RBFOX1: variants seen among roughly 807,000 people sequenced by gnomAD.
The protein encoded by RBFOX1 is RNA binding fox-1 homolog 1, also known as RNA binding protein fox-1 homolog 1.
A neutral mutation model predicts 57.7 loss-of-function variants in RBFOX1; 8 were observed. The observed-to-expected ratio is 0.14, with a 90% confidence interval of 0.08 to 0.25. The LOEUF is 0.25. Ranked by LOEUF, RBFOX1 falls within the 10% of genes least tolerant of loss-of-function variation. RBFOX1 has a pLI of 1.00. For synonymous variants in RBFOX1, 326 were observed against 222.4 expected (o/e 1.47, Z -4.15); for missense variants, 611 against 548.5 (o/e 1.11, Z -1.14).
chr16:5,383,271 C>A (rs1018572243), intron 1 of RBFOX1, among the ~76,000 whole-genome samples: 4 of 152,068 alleles, frequency 2.6e-5, no homozygotes, highest in African/African-American at 9.7e-5. Context: ...TAAGTGGCGC[C>A]CACTGGTGTG....
chr16:6,885,312 C>G (rs567740523), intron 3 of RBFOX1, among the ~76,000 whole-genome samples: 38 of 152,300 alleles, frequency 2.5e-4, no homozygotes, highest in African/African-American at 9.1e-4. Context: ...TGCAGGCAAA[C>G]TGAGTCAGAA....
At position 5,467,190 on chromosome 16, in the gene RBFOX1, C is replaced by G. The variant is rs1028095540; in HGVS notation, c.220-26C>G. On this transcript the variant is annotated intron_variant, in intron 1 of 2. Coordinates refer to the RBFOX1 transcript ENST00000585867. ...CAATGTTTCTTCTCTCTCTCTCTCT[C>G]TCTCTCTTTTTTTTTTTTAATGCAG... The G allele has an allele frequency of 6.1e-6, 9 of 1,464,746 alleles. No homozygotes were observed. In the African/African-American group the frequency reaches 1.3e-4, roughly 21 times the overall value. The allele number at this position is 1,464,746 out of a possible 1,614,324, so 90.7% of individuals were successfully genotyped here. A position where few individuals can be genotyped will look rare whatever the true frequency, so the allele number is the denominator to read the frequency against.
At chr16:5,779,705 A>G (rs559898511) in intron 3 of RBFOX1, among the ~76,000 whole-genome samples, 1 of 152,272 alleles carries the variant, frequency 6.6e-6, no homozygotes, top group South Asian at 2.1e-4. Context: ...CCCCCAACCC[A>G]AGTGGAATGA....
At chr16:6,209,847 TGGTATGAA>T (rs2097281335) in intron 1 of RBFOX1, among the ~76,000 whole-genome samples, 1 of 152,168 alleles carries the variant, frequency 6.6e-6, no homozygotes, top group South Asian at 2.1e-4. Context: ...GATAGAAACA[TGGTATGAA>T]GGTCTATGCT....
At chr16:7,379,792 G>GCCTC (rs2097756421) in intron 4 of RBFOX1, among the ~76,000 whole-genome samples, 1 of 149,378 alleles carries the variant, frequency 6.7e-6, no homozygotes, top group Non-Finnish European at 1.5e-5. Context: ...CTGCCTGCCT[G>GCCTC]CCTCCCTGCC....
chr16:5,350,641 G>A (rs767898745), intron 1 of RBFOX1, among the ~76,000 whole-genome samples: 5 of 152,146 alleles, frequency 3.3e-5, no homozygotes, highest in African/African-American at 4.8e-5. Context: ...CAAAGCGGGC[G>A]GATCACCTGA....
intron 3 of RBFOX1, among the ~76,000 whole-genome samples, chr16:5,837,894 C>G (rs2056510139): frequency 1.3e-5 from 2 of 152,012 alleles, no homozygotes; most frequent in African/African-American, 4.8e-5. Flanking sequence ...GGGCAGAGGA[C>G]CCCGTGGGAG....
intron 4 of RBFOX1, among the ~76,000 whole-genome samples, chr16:7,205,257 C>G (rs1008463546): frequency 6.6e-6 from 1 of 152,052 alleles, no homozygotes; most frequent in East Asian, 1.9e-4. Flanking sequence ...GCGGCTCACA[C>G]CTGTAATCCC....
At position 7,575,377 on chromosome 16, in the gene RBFOX1, C is replaced by G. The variant is rs185004269; in HGVS notation, c.271-4400C>G. 1.1e-3 allele frequency among the ~76,000 whole-genome samples: 175 copies of G among 152,254 alleles called. 1 individual carries two copies. The Middle Eastern group carries it at 0.031, about 27-fold the overall frequency. On this transcript the variant is annotated intron_variant, in intron 5 of 15. Transcript: ENST00000550418. ...CTTGAACTCCTTACCTCATGATCTGCCCCGCTCAGCCTCCCAAAGTGCTGG... is the reference window on the plus strand; with the variant it reads ...CTTGAACTCCTTACCTCATGATCTGGCCCGCTCAGCCTCCCAAAGTGCTGG...
intron 1 of RBFOX1, among the ~76,000 whole-genome samples, chr16:6,182,837 A>G (rs2097074978): frequency 6.6e-6 from 1 of 152,190 alleles, no homozygotes; most frequent in South Asian, 2.1e-4. Context: ...TTTAATGAAA[A>G]TATTTAGCTT....
At chr16:6,807,729 T>G (rs1250900983) in intron 3 of RBFOX1, among the ~76,000 whole-genome samples, 1 of 152,048 alleles carries the variant, frequency 6.6e-6, no homozygotes, top group Non-Finnish European at 1.5e-5. Context: ...GGCAGAAGAA[T>G]CACTTGAATC....
chr16:5,802,389 T>C (rs199690726), intron 3 of RBFOX1, among the ~76,000 whole-genome samples: 1 of 152,154 alleles, frequency 6.6e-6, no homozygotes, highest in East Asian at 1.9e-4. Context: ...ATGGCTGGAC[T>C]GTAAAACATG....
At chr16:5,269,145 G>T (rs963905126) in intron 1 of RBFOX1, among the ~76,000 whole-genome samples, 2 of 137,428 alleles carry the variant, frequency 1.5e-5, no homozygotes, top group African/African-American at 5.4e-5. Context: ...TCAAACTCCT[G>T]GCCTCAGGTG....
At chr16:7,473,509 G>T (rs1483782921) in intron 4 of RBFOX1, among the ~76,000 whole-genome samples, 1 of 147,922 alleles carries the variant, frequency 6.8e-6, no homozygotes. Context: ...ATGTACATAT[G>T]TATTATATAT....
intron 2 of RBFOX1, among the ~76,000 whole-genome samples, chr16:6,497,526 C>A (rs1325560577): frequency 6.6e-6 from 1 of 151,452 alleles, no homozygotes; most frequent in African/African-American, 2.4e-5. Context: ...GAATAACCTC[C>A]AGTATAAATC....
intron 1 of RBFOX1, among the ~76,000 whole-genome samples, chr16:5,375,339 G>A (rs2065958347): frequency 6.6e-6 from 1 of 152,168 alleles, no homozygotes; most frequent in Non-Finnish European, 1.5e-5. Flanking sequence ...GGAGTGAAGA[G>A]GACAGTGAGG....
At chr16:5,336,666 A>T (rs754125923) in intron 1 of RBFOX1, among the ~76,000 whole-genome samples, 35 of 152,164 alleles carry the variant, frequency 2.3e-4, no homozygotes, top group Non-Finnish European at 3.8e-4. Flanking sequence ...GTGATGACCC[A>T]TTCATGAAGC....
At chr16:5,638,357 G>C (rs575777548) in intron 3 of RBFOX1, among the ~76,000 whole-genome samples, 1 of 152,192 alleles carries the variant, frequency 6.6e-6, no homozygotes, top group South Asian at 2.1e-4. Flanking sequence ...GCTAAACGTT[G>C]TTTGGTACTT....
intron 14 of RBFOX1, among the ~76,000 whole-genome samples, chr16:7,695,604 A>G (rs1480025922): frequency 6.8e-6 from 1 of 146,578 alleles, no homozygotes; most frequent in Non-Finnish European, 1.5e-5. Context: ...GTGAGCAGAG[A>G]CTGCGCCACT....
Sources: allele counts gnomAD v4.1 joint callset (sites outside exome capture counted in the v4.1 genomes callset), GRCh38; gene constraint gnomAD v4.1.1; transcripts MANE v1.5; gene names NCBI Gene and HGNC (gene_info 2026-07-23, HGNC 2026-07-21).